The following FOXK1 variants were observed in gnomAD, a reference collection of about 807,000 sequenced individuals.
The protein encoded by FOXK1 is forkhead box protein K1.
A neutral mutation model predicts 51.9 loss-of-function variants in FOXK1; 19 were observed. That is an observed-to-expected ratio of 0.37 (90% CI 0.26 to 0.54). FOXK1 has a LOEUF of 0.54. Ranked by LOEUF, FOXK1 falls within the 20% of genes least tolerant of loss-of-function variation. The pLI is 0.87. For missense variants in FOXK1, 870 were observed against 1,032.7 expected, an observed-to-expected ratio of 0.84 and a Z score of 2.16; for synonymous variants, 537 against 482.6, an observed-to-expected ratio of 1.11 and a Z score of -1.48.
intron 1 of FOXK1, among the ~76,000 whole-genome samples, chr7:4,736,130 C>CA (rs1262801543): frequency 2.6e-5 from 4 of 152,174 alleles, no homozygotes; most frequent in Admixed American, 2.6e-4. Context: ...GCCTGAGTGA[C>CA]AGAGCGAGAC....
chr7:4,755,467 G>T lies in FOXK1; in HGVS notation c.1050+84G>T. 2 of 1,547,002 alleles carry T rather than the reference G, an allele frequency of 1.3e-6. No homozygotes were observed. Among genetic ancestry groups the T allele is most frequent in the Non-Finnish European group, 1.8e-6 (2 of 1,142,104 alleles). The stretch of plus-strand genomic sequence containing the variant: ...CAGGCATATTGCTTCCCTTAAAACA[G>T]AAGAGGGCCAGTGAGGGGGCTCACG... On this transcript the variant is annotated intron_variant, in intron 4 of 8. Coordinates refer to ENST00000328914, the MANE Select transcript of FOXK1 (RefSeq NM_001037165.2). This position sits in a 1 kb window ranked among gnomAD's most constrained non-coding sequence, Gnocchi z 6.6.
intron 2 of FOXK1, among the ~76,000 whole-genome samples, chr7:4,741,903 C>T (rs544172266): frequency 2.5e-4 from 38 of 152,366 alleles, no homozygotes; most frequent in African/African-American, 8.7e-4. Flanking sequence ...ATGCATGGCA[C>T]ACAGCCCTGG....
At chr7:4,746,731 T>A (rs911111471) in intron 2 of FOXK1, among the ~76,000 whole-genome samples, 5 of 152,192 alleles carry the variant, frequency 3.3e-5, no homozygotes, top group African/African-American at 1.2e-4. Flanking sequence ...GCTGCAGCCT[T>A]CCGTGTGTTT....
At chr7:4,690,511 T>A (rs755560549) in intron 1 of FOXK1, among the ~76,000 whole-genome samples, 16 of 152,368 alleles carry the variant, frequency 1.1e-4, no homozygotes, top group South Asian at 4.1e-4. Context: ...ATGAGCCACT[T>A]TCTAGTATTT....
intron 1 of FOXK1, among the ~76,000 whole-genome samples, chr7:4,687,872 A>G (rs1466015554): frequency 1.3e-5 from 2 of 151,936 alleles, no homozygotes; most frequent in African/African-American, 4.8e-5. Context: ...ATGTTTTCTG[A>G]AGTGAATGTG....
intron 1 of FOXK1, among the ~76,000 whole-genome samples, chr7:4,694,873 A>G (rs758570980): frequency 2.6e-5 from 4 of 152,180 alleles, no homozygotes; most frequent in Non-Finnish European, 4.4e-5. Context: ...TTAGTCGTCT[A>G]CCTTCCCAGA....
chr7:4,705,554 T>TCTCTCTCTCTCTCTCTCTCTCTCTCG (rs895937029), intron 1 of FOXK1, among the ~76,000 whole-genome samples: 2 of 131,512 alleles, frequency 1.5e-5, no homozygotes, highest in African/African-American at 6.3e-5. Context: ...TCTCTCTCTC[T>TCTCTCTCTCTCTCTCTCTCTCTCTCG]CTCTCGCTCT....
rs113597053 is a variant in FOXK1, at chr7:4,711,605, C to T, written c.560+28737C>T. 6.6e-6 allele frequency among the ~76,000 whole-genome samples: 1 copy of T among 152,266 alleles called. No individual in the cohort carries two copies. The highest frequency in any genetic ancestry group is 1.5e-5 in the Non-Finnish European group (1 of 68,026). On this transcript the variant is annotated intron_variant, in intron 1 of 8. Transcript: ENST00000328914. The surrounding 1 kb of genome is among the most constrained non-coding windows in gnomAD (Gnocchi z 6.3). ...CAGAGTGGGTCTCAAGAGTGCCACT[C>T]CTCGGCATTGTGTGGATGGGCGGTA...
rs977929174 is a variant in FOXK1, at chr7:4,747,767, C to T, written c.747-6692C>T. 1.3e-5 allele frequency among the ~76,000 whole-genome samples: 2 copies of T among 152,160 alleles called. No homozygotes were observed. Among genetic ancestry groups the T allele is most frequent in the Admixed American group, 1.3e-4 (2 of 15,276 alleles). ...CTGGTCCTGAACTCCTGGCCTCAAGCAGTCTTCCCACCTTGACCTCCCAAA... is the reference window on the plus strand; with the variant it reads ...CTGGTCCTGAACTCCTGGCCTCAAGTAGTCTTCCCACCTTGACCTCCCAAA... On this transcript the variant is annotated intron_variant, in intron 2 of 8. Coordinates refer to ENST00000328914, the MANE Select transcript of FOXK1 (RefSeq NM_001037165.2). This position sits in a 1 kb window ranked among gnomAD's most constrained non-coding sequence, Gnocchi z 9.2.
At chr7:4,737,980 G>C (rs1403557748) in intron 1 of FOXK1, among the ~76,000 whole-genome samples, 2 of 151,742 alleles carry the variant, frequency 1.3e-5, no homozygotes, top group African/African-American at 2.4e-5. Flanking sequence ...AAATTAGCTG[G>C]GCGTGGTGGC....
chr7:4,723,861 G>C lies in FOXK1; in HGVS notation c.561-16977G>C, dbSNP rs1046321370. Among the ~76,000 whole-genome samples, 1 of 152,120 alleles carries C rather than the reference G, an allele frequency of 6.6e-6. No homozygotes were observed. Among genetic ancestry groups the C allele is most frequent in the Admixed American group, 6.5e-5 (1 of 15,284 alleles). ...TTCTTTGTATTTTTGGTAAAGATGG[G>C]GATCTCACTATGTTGCCCAGGCCGG... On this transcript the variant is annotated intron_variant, in intron 1 of 8. Transcript: ENST00000328914. The surrounding 1 kb of genome is among the most constrained non-coding windows in gnomAD (Gnocchi z 4.7).
chr7:4,716,503 G>A (rs375811836), intron 1 of FOXK1, among the ~76,000 whole-genome samples: 59 of 151,908 alleles, frequency 3.9e-4, no homozygotes, highest in African/African-American at 1.3e-3. Flanking sequence ...AAGGCCCTGT[G>A]TCCCAAAAAA....
chr7:4,717,619 A>G (rs998019262), intron 1 of FOXK1, among the ~76,000 whole-genome samples: 1 of 152,074 alleles, frequency 6.6e-6, no homozygotes, highest in Non-Finnish European at 1.5e-5. Flanking sequence ...GAAGCGCATG[A>G]CGGGAGGTAC....
At position 4,733,110 on chromosome 7, in the gene FOXK1, G is replaced by A. The variant is rs187153648; in HGVS notation, c.561-7728G>A. 6.6e-6 allele frequency among the ~76,000 whole-genome samples: 1 copy of A among 152,022 alleles called. No homozygotes were observed. Among genetic ancestry groups the A allele is most frequent in the Non-Finnish European group, 1.5e-5 (1 of 68,012 alleles). On this transcript the variant is annotated intron_variant, in intron 1 of 8. Transcript: ENST00000328914. The surrounding 1 kb of genome is among the most constrained non-coding windows in gnomAD (Gnocchi z 5.0). The stretch of plus-strand genomic sequence containing the variant: ...CTTCCTGGATTCTTTCAGTTAGGAC[G>A]TAGTTTTGATTTTGCAACAAAGGTC...
At chr7:4,687,133 C>T (rs778406973) in intron 1 of FOXK1, among the ~76,000 whole-genome samples, 20 of 152,008 alleles carry the variant, frequency 1.3e-4, no homozygotes, top group Middle Eastern at 3.4e-3. Context: ...GGGGTTTCAC[C>T]GTGTTAGCCA....
At chr7:4,732,898 A>G (rs1183359451) in intron 1 of FOXK1, among the ~76,000 whole-genome samples, 2 of 152,182 alleles carry the variant, frequency 1.3e-5, no homozygotes, top group African/African-American at 4.8e-5. Flanking sequence ...TTACTCGTCC[A>G]GCGTTCTCTG....
intron 5 of FOXK1, 26 bp from the exon 6 acceptor site, chr7:4,759,025 T>G (rs773522201): frequency 6.4e-7 from 1 of 1,557,932 alleles, no homozygotes; most frequent in Non-Finnish European, 8.6e-7. Flanking sequence ...GGGCGCTGAC[T>G]GCCGCGGCCC....
rs528042591 is a variant in FOXK1, at chr7:4,693,624, C to T, written c.560+10756C>T. On this transcript the variant is annotated intron_variant, in intron 1 of 8. Coordinates refer to ENST00000328914, the MANE Select transcript of FOXK1 (RefSeq NM_001037165.2). ...GATGGTGCCCTTGGCCTTTCAGCCA[C>T]GGATATGGGTGTCCCCTCCCCTGGA... Among the ~76,000 whole-genome samples, 10 of 152,200 alleles carry T rather than the reference C, an allele frequency of 6.6e-5. No individual in the cohort carries two copies. In the East Asian group the frequency reaches 1.2e-3, roughly 18 times the overall value.
At position 4,766,512 on chromosome 7, in the gene FOXK1, CTTTGA is replaced by C. The variant is rs372608916; in HGVS notation, c.*4052_*4056del. ...TGCTGTTTATTTGTATCTCCCTTTTCTTTGATTTAAGAACAATGCCAAGTGAAAAA... is the reference window on the plus strand; with the variant it reads ...TGCTGTTTATTTGTATCTCCCTTTTCTTTAAGAACAATGCCAAGTGAAAAA... On this transcript the variant is annotated 3_prime_UTR_variant, in exon 9 of 9. Coordinates refer to ENST00000328914, the MANE Select transcript of FOXK1 (RefSeq NM_001037165.2). The surrounding 1 kb of genome is among the most constrained non-coding windows in gnomAD (Gnocchi z 5.5). The C allele has an allele frequency of 3.9e-5, 6 of 152,214 alleles. No individual in the cohort carries two copies. The highest frequency in any genetic ancestry group is 9.6e-5 in the African/African-American group (4 of 41,452). The allele number at this position is 152,214 out of a possible 1,614,324, so 9.4% of individuals were successfully genotyped here.
Sources: allele counts gnomAD v4.1 joint callset (sites outside exome capture counted in the v4.1 genomes callset), GRCh38; gene constraint gnomAD v4.1.1; non-coding constraint Gnocchi (gnomAD v3.1); transcripts MANE v1.5; gene names NCBI Gene and HGNC (gene_info 2026-07-23, HGNC 2026-07-21).